The following TTN variants were observed in gnomAD, a reference collection of about 807,000 sequenced individuals.
TTN encodes connectin.
A neutral mutation model predicts 3,223.0 loss-of-function variants in TTN; 1,525 were observed. That is an observed-to-expected ratio of 0.47 (90% CI 0.45 to 0.49). The LOEUF is 0.49. Ranked by LOEUF, TTN falls within the 20% of genes least tolerant of loss-of-function variation. The pLI is 0.00. For synonymous variants in TTN, 14,094 were observed against 15,161.0 expected, an observed-to-expected ratio of 0.93 and a Z score of 5.17; for missense variants, 40,786 against 43,424.0, an observed-to-expected ratio of 0.94 and a Z score of 5.40.
At chr2:178,796,236 T>A (rs2093762548) in intron 6 of TTN, among the ~76,000 whole-genome samples, 1 of 152,242 alleles carries the variant, frequency 6.6e-6, no homozygotes, top group South Asian at 2.1e-4. Flanking sequence ...TAATTCTTAA[T>A]AAGGCTTATT....
chr2:178,694,032 AG>A (rs1420267860), intron 117 of TTN, 24 bp from the exon 118 acceptor site: 2 of 1,574,322 alleles, frequency 1.3e-6, no homozygotes, highest in South Asian at 2.3e-5. Context: ...ATTTCACATT[AG>A]TATTCCTTTT....
rs763457498 is a variant in TTN at position 178,565,107 on chromosome 2, T to C, written c.81025A>G (p.Ile27009Val). Reference sequence around the variant, plus strand: ...GTGGTTGTATCTCGCTTCTCTACAATGTAGTTGCTTATTTGGCAGCCACCA... The same window carrying C: ...GTGGTTGTATCTCGCTTCTCTACAACGTAGTTGCTTATTTGGCAGCCACCA... The part of the protein sequence containing the change: ...YTGGCQISNY[I>V]VEKRDTTTTT... The change falls in exon 326 of 363, where the codon ATT (isoleucine) becomes GTT (valine). Residue 27009 changes from isoleucine (I) to valine (V), a missense_variant. Ile to Val is a conservative substitution (Grantham distance 29). Transcript: ENST00000589042. 2.5e-6 allele frequency: 4 copies of C among 1,613,456 alleles called. No individual in the cohort carries two copies. Among genetic ancestry groups the C allele is most frequent in the East Asian group, 4.5e-5 (2 of 44,848 alleles).
chr2:178,740,799 T>G lies in TTN; in HGVS notation c.12434A>C (p.Glu4145Ala), dbSNP rs372744369. 1.5e-5 allele frequency: 25 copies of G among 1,613,490 alleles called. No homozygotes were observed. The African/African-American group carries it at 3.3e-4, about 22-fold the overall frequency. Residue 4145 changes from glutamate (E) to alanine (A), a missense_variant, in exon 48 of 363, where the codon GAA becomes GCA. By Grantham distance (107) the Glu-to-Ala change is moderately radical. Coordinates refer to ENST00000589042, the MANE Select transcript of TTN (RefSeq NM_001267550.2). ...CTGCAGCTGTAGGTTGGGAGATGGT[T>G]CCTTGAGAGGCTGAAAGTGAATACT... Reference protein sequence around the residue: ...NGSIHFQPLKEPSPNLQLQIV... With the variant: ...NGSIHFQPLKAPSPNLQLQIV...
chr2:178,551,769 T>C lies in TTN; in HGVS notation c.91131A>G (p.Ser30377=), dbSNP rs761062254. Residue 30377 remains serine (S), a synonymous_variant, in exon 335 of 363, where the codon TCA becomes TCG. Transcript: ENST00000589042. ...NSILWQKVNT[S]PISGREYRAT... is the part of the protein sequence containing the mutation. Reference sequence around the variant, plus strand: ...CTCTATATTCTCTTCCAGAGATTGGTGATGTATTAACTTTTTGCCAGAGGA... The same window carrying C: ...CTCTATATTCTCTTCCAGAGATTGGCGATGTATTAACTTTTTGCCAGAGGA... The C allele has an allele frequency of 6.2e-7, 1 of 1,613,832 alleles. No individual in the cohort carries two copies. Among genetic ancestry groups the C allele is most frequent in the East Asian group, 2.2e-5 (1 of 44,874 alleles).
Position 178,577,728 on chromosome 2 carries a change from C to G in TTN, c.68698G>C (p.Ala22900Pro). ...TCAACAAGGTCAGTTACAGTAAAGG[C>G]ACATTCTGGGACATTAACATGGTTG... ...KANHVNVPEC[A>P]FTVTDLVEGG... Residue 22900 changes from alanine to proline, a missense_variant, in exon 323 of 363, where the codon GCC (alanine) becomes CCC (proline). Physicochemically the swap from Ala to Pro is conservative, Grantham distance 27. Transcript: ENST00000589042. The G allele has an allele frequency of 6.2e-7, 1 of 1,613,418 alleles. No individual in the cohort carries two copies. Among genetic ancestry groups the G allele is most frequent in the South Asian group, 1.1e-5 (1 of 91,052 alleles).
At position 178,630,339 on chromosome 2, in the gene TTN, A is replaced by G; in HGVS notation, c.44183T>C (p.Ile14728Thr). 6.2e-7 allele frequency: 1 copy of G among 1,610,640 alleles called. No homozygotes were observed. The highest frequency in any genetic ancestry group is 8.5e-7 in the Non-Finnish European group (1 of 1,178,892). The change falls in exon 239 of 363, where the codon ATA becomes ACA. Residue 14728 changes from isoleucine to threonine, a missense_variant. Coordinates refer to ENST00000589042, the MANE Select transcript of TTN (RefSeq NM_001267550.2). ...PDCEIKEEGKIHSLVLHNCRL... is the reference protein window; with the variant it reads ...PDCEIKEEGKTHSLVLHNCRL... Reference sequence around the variant, plus strand: ...ACAGTTGTGCAAAACAAGGGAGTGTATTTTGCCTTCTTCCTTAATTTCACA... The same window carrying G: ...ACAGTTGTGCAAAACAAGGGAGTGTGTTTTGCCTTCTTCCTTAATTTCACA...
Position 178,776,608 on chromosome 2 carries a change from A to T in TTN, c.5256T>A (p.Arg1752=), listed in dbSNP as rs2154346223. The change falls in exon 28 of 363, where the codon CGT becomes CGA. Residue 1752 remains arginine (R), a synonymous_variant. Coordinates refer to ENST00000589042, the MANE Select transcript of TTN (RefSeq NM_001267550.2). The part of the protein sequence containing the change: ...GKPLEAANRL[R]MINEFGYCSL... Reference sequence around the variant, plus strand: ...TGCAGTACCCAAATTCATTGATCATACGGAGCCTGTTGGCTGCTTCAAGTG... The same window carrying T: ...TGCAGTACCCAAATTCATTGATCATTCGGAGCCTGTTGGCTGCTTCAAGTG... 6.2e-7 allele frequency: 1 copy of T among 1,614,120 alleles called. No individual in the cohort carries two copies. The highest frequency in any genetic ancestry group is 8.5e-7 in the Non-Finnish European group (1 of 1,180,008).
At position 178,676,010 on chromosome 2, in the gene TTN, T is replaced by C. The variant is rs764544769; in HGVS notation, c.34379-15A>G. The C allele has an allele frequency of 9.6e-5, 152 of 1,583,056 alleles. No homozygotes were observed. Among genetic ancestry groups the C allele is most frequent in the Non-Finnish European group, 1.2e-4 (145 of 1,162,962 alleles). On this transcript the variant is annotated splice_polypyrimidine_tract_variant and intron_variant, in intron 147 of 362. Transcript: ENST00000589042. ...AATTTCAGGCACTTTAAAGACATCA[T>C]TTCATGATAAGGATTTATTTTGAAG...
rs372074049 is a variant in TTN at position 178,582,608 on chromosome 2, A to T, written c.65864-16T>A. 1.3e-6 allele frequency: 2 copies of T among 1,587,360 alleles called. No individual in the cohort carries two copies. Among genetic ancestry groups the T allele is most frequent in the Non-Finnish European group, 1.7e-6 (2 of 1,165,658 alleles). ...CCCGGTTTATCTGAAGGAATAAGGA[A>T]GAAGAGTGAATATGTGGAATGGGGA... On this transcript the variant is annotated splice_polypyrimidine_tract_variant and intron_variant, in intron 313 of 362. Coordinates refer to ENST00000589042, the MANE Select transcript of TTN (RefSeq NM_001267550.2).
intron 2 of TTN, 89 bp downstream of exon 2, chr2:178,804,463 T>C (rs1163769835): frequency 2.3e-5 from 31 of 1,331,288 alleles, no homozygotes; most frequent in Admixed American, 5.5e-5. Context: ...AAGCAGGGCT[T>C]AAACTTGGCG....
rs1266419307 is a variant in TTN, at chr2:178,651,476, T to G, written c.39524A>C (p.Lys13175Thr). 6.2e-7 allele frequency: 1 copy of G among 1,611,924 alleles called. No homozygotes were observed. The highest frequency in any genetic ancestry group is 1.1e-5 in the South Asian group (1 of 90,728). The change falls in exon 207 of 363, where the codon AAG (lysine) becomes ACG (threonine). Residue 13175 changes from lysine (K) to threonine (T), a missense_variant. Lys to Thr is a moderately conservative substitution (Grantham distance 78, BLOSUM62 -1). Coordinates refer to ENST00000589042, the MANE Select transcript of TTN (RefSeq NM_001267550.2). ...EKKVPLVVPK[K>T]PEAPPAKVPE... ...ACCTTTAGCAGGTGGGGCTTCTGGC[T>G]TTTTGGGAACCACCAGAGGCACCTT... is the stretch of plus-strand genomic sequence containing the variant.
In TTN at chr2:178,561,196, A is replaced by G. The variant is rs1380909850; in HGVS notation, c.84936T>C (p.Phe28312=). The G allele has an allele frequency of 1.9e-6, 3 of 1,613,560 alleles. 1 individual carries two copies. In the South Asian group the frequency reaches 3.3e-5, roughly 18 times the overall value. ...CNYTNIQETY[F]EVTELTEDQR... Reference sequence around the variant, plus strand: ...GATCTTCAGTAAGTTCAGTTACTTCAAAGTATGTTTCTTGTATATTAGTAT... The same window carrying G: ...GATCTTCAGTAAGTTCAGTTACTTCGAAGTATGTTTCTTGTATATTAGTAT... The change falls in exon 326 of 363, where the codon TTT becomes TTC. Residue 28312 remains phenylalanine, a synonymous_variant. Transcript: ENST00000589042.
rs375807843 is a variant in TTN, at chr2:178,604,853, G to C, written c.54236C>G (p.Ala18079Gly). The C allele has an allele frequency of 1.9e-6, 3 of 1,612,270 alleles. No homozygotes were observed. Among genetic ancestry groups the C allele is most frequent in the Non-Finnish European group, 2.5e-6 (3 of 1,179,016 alleles). ...PRNLAVTDIKAESCYLTWDAP... is the reference protein window; with the variant it reads ...PRNLAVTDIKGESCYLTWDAP... Reference sequence around the variant, plus strand: ...ATCCCATGTCAAGTAGCAAGATTCAGCTTTAATGTCAGTAACAGCAAGATT... The same window carrying C: ...ATCCCATGTCAAGTAGCAAGATTCACCTTTAATGTCAGTAACAGCAAGATT... Residue 18079 changes from alanine to glycine, a missense_variant, in exon 281 of 363, where the codon GCT becomes GGT. Coordinates refer to ENST00000589042, the MANE Select transcript of TTN (RefSeq NM_001267550.2).
chr2:178,665,316 A>G (rs2065730095), intron 165 of TTN, 61 bp downstream of exon 165: 6 of 1,446,686 alleles, frequency 4.1e-6, no homozygotes, highest in South Asian at 1.2e-5. Context: ...GGAAGAAACC[A>G]TAGTTTTAAG....
chr2:178,572,133 C>T lies in TTN; in HGVS notation c.73999G>A (p.Ala24667Thr). 1 of 1,613,292 alleles carries T rather than the reference C, an allele frequency of 6.2e-7. No individual in the cohort carries two copies. Reference sequence around the variant, plus strand: ...GTGGCTTCAGTGACCTTGACTGTGGCACACGTGGCCCATTTGTCACTGCCT... The same window carrying T: ...GTGGCTTCAGTGACCTTGACTGTGGTACACGTGGCCCATTTGTCACTGCCT... ...TKGSDKWATC[A>T]TVKVTEATIT... is the part of the protein sequence containing the mutation. The change falls in exon 326 of 363, where the codon GCC becomes ACC. Residue 24667 changes from alanine (A) to threonine (T), a missense_variant. By Grantham distance (58) the Ala-to-Thr change is moderately conservative. Transcript: ENST00000589042.
chr2:178,569,377 G>C lies in TTN; in HGVS notation c.76755C>G (p.Asn25585Lys), dbSNP rs1171173179. The C allele has an allele frequency of 2.5e-6, 4 of 1,613,262 alleles. No individual in the cohort carries two copies. In the African/African-American group the frequency reaches 5.3e-5, roughly 22 times the overall value. ...DSGKYTLTLENSSGTKSAFVT... is the reference protein window; with the variant it reads ...DSGKYTLTLEKSSGTKSAFVT... Reference sequence around the variant, plus strand: ...CAAAGGCAGACTTTGTTCCACTGCTGTTTTCTAATGTAAGCGTATATTTTC... The same window carrying C: ...CAAAGGCAGACTTTGTTCCACTGCTCTTTTCTAATGTAAGCGTATATTTTC... The change falls in exon 326 of 363, where the codon AAC (asparagine) becomes AAG (lysine). Residue 25585 changes from asparagine (N) to lysine (K), a missense_variant. Coordinates refer to ENST00000589042, the MANE Select transcript of TTN (RefSeq NM_001267550.2).
chr2:178,543,305 C>T lies in TTN; in HGVS notation c.96668G>A (p.Trp32223Ter). ...ACCACCATCGTAGAGTGGTTTTTCCCAGGCAAGGGTAACAGTGGATTTGGT... is the reference window on the plus strand; with the variant it reads ...ACCACCATCGTAGAGTGGTTTTTCCTAGGCAAGGGTAACAGTGGATTTGGT... ...DVTKSTVTLA[W>*]EKPLYDGGSR... The change falls in exon 347 of 363, where the codon TGG (tryptophan) becomes TAG (stop). Residue 32223 changes from tryptophan to a stop codon, truncating the protein, a stop_gained. Transcript: ENST00000589042. LOFTEE classifies it high-confidence loss of function. The T allele has an allele frequency of 6.2e-7, 1 of 1,613,804 alleles. No homozygotes were observed. Among genetic ancestry groups the T allele is most frequent in the South Asian group, 1.1e-5 (1 of 91,078 alleles).
In TTN at chr2:178,674,327, CA is replaced by C; in HGVS notation, c.34694del (p.Val11565GlyfsTer9). The C allele has an allele frequency of 6.3e-7, 1 of 1,588,910 alleles. No homozygotes were observed. Reference protein sequence around the residue: ...EPPSIEEVEEVAPPRVPEVIK... With the variant: ...EPPSIEEVEEXAPPRVPEVIK... ...AAGCGGTTATACCTCTAGGTGGTGCCACCTCTTCAACTTCCTCTATGCTAGG... is the reference window on the plus strand; with the variant it reads ...AAGCGGTTATACCTCTAGGTGGTGCCCCTCTTCAACTTCCTCTATGCTAGG... On this transcript the variant is annotated frameshift_variant, in exon 151 of 363. Transcript: ENST00000589042. LOFTEE classifies it high-confidence loss of function.
In TTN at chr2:178,531,219, T is replaced by C. The variant is rs1688986190; in HGVS notation, c.105396A>G (p.Leu35132=). ...KIKTTLAARI[L]TKPRSMTVYE... is the part of the protein sequence containing the mutation. ...AGACGGTCATGGACCGTGGCTTTGTTAGAATTCTTGCTGCCAAAGTCGTCT... is the reference window on the plus strand; with the variant it reads ...AGACGGTCATGGACCGTGGCTTTGTCAGAATTCTTGCTGCCAAAGTCGTCT... The change falls in exon 358 of 363, where the codon CTA becomes CTG. Residue 35132 remains leucine (L), a synonymous_variant. Coordinates refer to ENST00000589042, the MANE Select transcript of TTN (RefSeq NM_001267550.2). 6.2e-7 allele frequency: 1 copy of C among 1,613,846 alleles called. No homozygotes were observed. Among genetic ancestry groups the C allele is most frequent in the African/African-American group, 1.3e-5 (1 of 74,914 alleles).
Sources: allele counts gnomAD v4.1 joint callset (sites outside exome capture counted in the v4.1 genomes callset), GRCh38; gene constraint gnomAD v4.1.1; transcripts MANE v1.5; gene names NCBI Gene and HGNC (gene_info 2026-07-23, HGNC 2026-07-21).